The following CNTN3 variants were observed in gnomAD, a reference collection of about 807,000 sequenced individuals.
CNTN3 encodes the protein contactin 3.
Under a neutral mutation model 119.1 loss-of-function variants are expected in CNTN3, and 60 were observed. That is an observed-to-expected ratio of 0.50 (90% CI 0.41 to 0.62). The LOEUF is 0.62. CNTN3 is among the 20% of genes least tolerant of loss of function. CNTN3 has a pLI of 0.00. For missense variants in CNTN3, 1,101 were observed against 1,242.4 expected (o/e 0.89, Z 1.71); for synonymous variants, 450 against 438.7 (o/e 1.03, Z -0.32).
intron 22 of CNTN3, among the ~76,000 whole-genome samples, chr3:74,265,770 T>G (rs975477535): frequency 2.0e-5 from 3 of 152,114 alleles, no homozygotes; most frequent in Non-Finnish European, 4.4e-5. Flanking sequence ...GGGAACAAAG[T>G]CATGTCACTA....
At chr3:74,607,857 A>G (rs1343295143) in intron 1 of CNTN3, among the ~76,000 whole-genome samples, 1 of 152,208 alleles carries the variant, frequency 6.6e-6, no homozygotes, top group Non-Finnish European at 1.5e-5. Context: ...TCCTAGAAAC[A>G]TGAACCTCTA....
At chr3:74,590,888 G>C (rs1704691154) in intron 1 of CNTN3, among the ~76,000 whole-genome samples, 1 of 151,848 alleles carries the variant, frequency 6.6e-6, no homozygotes, top group African/African-American at 2.4e-5. Flanking sequence ...CAGTGATATT[G>C]GTCTGCTGCT....
Position 74,427,849 on chromosome 3 carries a change from T to A in CNTN3, c.359-2909A>T, listed in dbSNP as rs531342477. Among the ~76,000 whole-genome samples the A allele has an allele frequency of 1.3e-4, 20 of 152,192 alleles. No individual in the cohort carries two copies. In the East Asian group the frequency reaches 3.7e-3, roughly 28 times the overall value. ...TAACAAAACATGCAGAAGATCTGTA[T>A]AATGAAAATTACAGAATGCTAATGA... On this transcript the variant is annotated intron_variant, in intron 4 of 22. Coordinates refer to ENST00000263665, the MANE Select transcript of CNTN3 (RefSeq NM_020872.3).
At chr3:74,305,031 A>T (rs1338880496) in intron 13 of CNTN3, among the ~76,000 whole-genome samples, 3 of 152,228 alleles carry the variant, frequency 2.0e-5, no homozygotes. Context: ...ATTTATCTTA[A>T]CAAAAGCGCA....
Position 74,486,439 on chromosome 3 carries a change from TGTG to T in CNTN3, c.358+14_358+16del. 6.3e-7 allele frequency: 1 copy of T among 1,575,018 alleles called. No homozygotes were observed. Among genetic ancestry groups the T allele is most frequent in the Non-Finnish European group, 8.6e-7 (1 of 1,168,758 alleles). On this transcript the variant is annotated intron_variant, in intron 4 of 22. Coordinates refer to ENST00000263665, the MANE Select transcript of CNTN3 (RefSeq NM_020872.3). Reference sequence around the variant, plus strand: ...TTTCTAATGTTGGATTTGCTAGACATGTGAACATAAACTTACAGGCAAACTGAA... The same window carrying T: ...TTTCTAATGTTGGATTTGCTAGACATAACATAAACTTACAGGCAAACTGAA...
At chr3:74,507,273 T>C (rs1433089587) in intron 2 of CNTN3, among the ~76,000 whole-genome samples, 1 of 151,864 alleles carries the variant, frequency 6.6e-6, no homozygotes, top group Non-Finnish European at 1.5e-5. Flanking sequence ...TAACAATTAG[T>C]GGGGCGCAGT....
At chr3:74,610,593 C>A (rs78658361) in intron 1 of CNTN3, among the ~76,000 whole-genome samples, 5,204 of 152,020 alleles carry the variant, frequency 0.034, 113 homozygotes, top group South Asian at 0.041. Context: ...GGATTTTATT[C>A]TGAGTTCAAT....
At chr3:74,447,574 A>G (rs1702071386) in intron 4 of CNTN3, among the ~76,000 whole-genome samples, 1 of 151,988 alleles carries the variant, frequency 6.6e-6, no homozygotes, top group Non-Finnish European at 1.5e-5. Flanking sequence ...AATAAGACCT[A>G]CTAAGATGCT....
At chr3:74,507,331 T>C (rs1433124879) in intron 2 of CNTN3, among the ~76,000 whole-genome samples, 1 of 150,824 alleles carries the variant, frequency 6.6e-6, no homozygotes, top group South Asian at 2.1e-4. Context: ...GATGGGAGGA[T>C]CACTTGGGCC....
At chr3:74,397,890 T>C (rs1420851523) in intron 5 of CNTN3, among the ~76,000 whole-genome samples, 1 of 152,138 alleles carries the variant, frequency 6.6e-6, no homozygotes, top group Non-Finnish European at 1.5e-5. Context: ...ATGGAGGAAG[T>C]AACTGAGATG....
At chr3:74,392,848 G>C (rs1172251251) in intron 5 of CNTN3, among the ~76,000 whole-genome samples, 1 of 152,004 alleles carries the variant, frequency 6.6e-6, no homozygotes, top group African/African-American at 2.4e-5. Flanking sequence ...TCATACAGTA[G>C]AGTGCACCAT....
intron 17 of CNTN3, among the ~76,000 whole-genome samples, chr3:74,299,319 C>CT (rs11450945): frequency 0.055 from 8,366 of 152,232 alleles, 723 homozygotes; most frequent in African/African-American, 0.17. Flanking sequence ...AATTCTAGTA[C>CT]TTTTTGACTT....
At chr3:74,291,769 G>A (rs888992624) in intron 19 of CNTN3, among the ~76,000 whole-genome samples, 111 of 152,088 alleles carry the variant, frequency 7.3e-4, no homozygotes, top group Non-Finnish European at 2.1e-4. Flanking sequence ...AGTCATTCCT[G>A]TGGCTCCCTT....
chr3:74,596,331 AACT>A (rs1390494571), intron 1 of CNTN3, among the ~76,000 whole-genome samples: 2 of 152,098 alleles, frequency 1.3e-5, no homozygotes, highest in Admixed American at 1.3e-4. Flanking sequence ...AACTGGAAAA[AACT>A]ACTTTAACGT....
Position 74,336,655 on chromosome 3 carries a change from A to G in CNTN3, c.1368T>C (p.Ile456=). The G allele has an allele frequency of 1.2e-6, 2 of 1,604,664 alleles. No individual in the cohort carries two copies. Among genetic ancestry groups the G allele is most frequent in the South Asian group, 2.2e-5 (2 of 89,534 alleles). Residue 456 remains isoleucine (I), a synonymous_variant, in exon 12 of 23, where the codon ATT becomes ATC. Coordinates refer to ENST00000263665, the MANE Select transcript of CNTN3 (RefSeq NM_020872.3). The part of the protein sequence containing the change: ...GDVSVQEHER[I]SLLNDGGLKI... ...TGAGTCCTCCATCGTTTAACAAAGA[A>G]ATTCTAAAGCAAAGACAAATAAGAT...
At chr3:74,468,443 T>C (rs968323872) in intron 4 of CNTN3, among the ~76,000 whole-genome samples, 1 of 152,162 alleles carries the variant, frequency 6.6e-6, no homozygotes, top group Non-Finnish European at 1.5e-5. Context: ...TTTTAGATGC[T>C]CAGTTCCCAG....
At chr3:74,300,655 A>T (rs947220237) in intron 16 of CNTN3, among the ~76,000 whole-genome samples, 1 of 152,234 alleles carries the variant, frequency 6.6e-6, no homozygotes, top group East Asian at 1.9e-4. Flanking sequence ...GTGAAACAGC[A>T]TCATGAAAAT....
intron 2 of CNTN3, among the ~76,000 whole-genome samples, chr3:74,503,071 T>C (rs142860630): frequency 6.6e-5 from 10 of 152,322 alleles, no homozygotes; most frequent in African/African-American, 2.4e-4. Flanking sequence ...AGAGCTCATC[T>C]TCTCACCTTG....
At chr3:74,286,864 T>G (rs1281168065) in intron 19 of CNTN3, among the ~76,000 whole-genome samples, 1 of 152,250 alleles carries the variant, frequency 6.6e-6, no homozygotes, top group Middle Eastern at 3.4e-3. Flanking sequence ...TATGCCTTGG[T>G]TTGCCAGTGA....
Sources: allele counts gnomAD v4.1 joint callset (sites outside exome capture counted in the v4.1 genomes callset), GRCh38; gene constraint gnomAD v4.1.1; transcripts MANE v1.5; gene names NCBI Gene and HGNC (gene_info 2026-07-23, HGNC 2026-07-21).